GPC5: variants seen among roughly 807,000 people sequenced by gnomAD.
GPC5 encodes glypican 5.
In GPC5, 47 loss-of-function variants were observed where a neutral mutation model predicts 53.9. The ratio of observed to expected loss-of-function variants is 0.87; its 90% CI spans 0.69 to 1.11. GPC5 has a LOEUF of 1.11. Ranked by LOEUF, GPC5 falls within the 50% of genes most tolerant of loss-of-function variation. The probability of loss-of-function intolerance (pLI) is 0.00; values close to 1 mark genes in which losing one functional copy is unlikely to be tolerated. For synonymous variants in GPC5, 286 were observed against 263.3 expected (o/e 1.09, Z -0.84); for missense variants, 748 against 713.1 (o/e 1.05, Z -0.56).
At chr13:92,323,860 C>T (rs2043232536) in intron 7 of GPC5, among the ~76,000 whole-genome samples, 1 of 151,782 alleles carries the variant, frequency 6.6e-6, no homozygotes, top group African/African-American at 2.4e-5. Context: ...AAACAGGAAT[C>T]CATTAGTTAT....
chr13:92,517,692 T>A (rs1880850848), intron 7 of GPC5, among the ~76,000 whole-genome samples: 1 of 151,932 alleles, frequency 6.6e-6, no homozygotes, highest in Non-Finnish European at 1.5e-5. Context: ...GTCACCATCA[T>A]CAAAGACCAA....
At chr13:92,293,634 C>T (rs547642703) in intron 7 of GPC5, among the ~76,000 whole-genome samples, 11 of 152,080 alleles carry the variant, frequency 7.2e-5, no homozygotes, top group Admixed American at 6.5e-4. Flanking sequence ...ATCATATTGT[C>T]AGCAAACAGC....
chr13:91,881,549 CCTT>C (rs1429784279), intron 5 of GPC5, among the ~76,000 whole-genome samples: 6 of 152,158 alleles, frequency 3.9e-5, no homozygotes, highest in Admixed American at 6.5e-5. Flanking sequence ...TCAGACTTCT[CCTT>C]CTTTTTTCTG....
intron 3 of GPC5, among the ~76,000 whole-genome samples, chr13:91,712,674 C>T (rs1288511000): frequency 3.3e-5 from 5 of 152,006 alleles, no homozygotes; most frequent in Admixed American, 1.3e-4. Flanking sequence ...GGCCTGGTGT[C>T]GTCTGACTTT....
At chr13:92,201,334 T>C (rs1182875273) in intron 7 of GPC5, among the ~76,000 whole-genome samples, 1 of 152,240 alleles carries the variant, frequency 6.6e-6, no homozygotes, top group Admixed American at 6.5e-5. Flanking sequence ...ATTTGATACA[T>C]TGCTGTTGGC....
At chr13:92,065,885 G>A (rs1226370913) in intron 6 of GPC5, among the ~76,000 whole-genome samples, 3 of 151,982 alleles carry the variant, frequency 2.0e-5, no homozygotes, top group African/African-American at 7.2e-5. Context: ...GTTCCATGGT[G>A]TTTTGCATAT....
At chr13:91,569,306 A>G (rs2031676781) in intron 2 of GPC5, among the ~76,000 whole-genome samples, 1 of 152,160 alleles carries the variant, frequency 6.6e-6, no homozygotes, top group Non-Finnish European at 1.5e-5. Flanking sequence ...TTAAAATATC[A>G]TACCCAAGAT....
intron 7 of GPC5, among the ~76,000 whole-genome samples, chr13:92,642,474 T>A (rs1316430382): frequency 1.3e-5 from 2 of 152,168 alleles, no homozygotes; most frequent in African/African-American, 4.8e-5. Context: ...TCCATTGGTG[T>A]CTCAACAGGT....
At chr13:92,387,132 T>A (rs1566568923) in intron 7 of GPC5, among the ~76,000 whole-genome samples, 1 of 152,120 alleles carries the variant, frequency 6.6e-6, no homozygotes, top group Non-Finnish European at 1.5e-5. Context: ...TTTGACTTTA[T>A]GATGGTGTGA....
chr13:92,397,667 A>C (rs1329491471), intron 7 of GPC5, among the ~76,000 whole-genome samples: 1 of 152,142 alleles, frequency 6.6e-6, no homozygotes, highest in African/African-American at 2.4e-5. Context: ...TGATGAAACC[A>C]AAAAAAGTCA....
chr13:92,401,237 AATAC>A (rs2139336819), intron 7 of GPC5, among the ~76,000 whole-genome samples: 1 of 151,600 alleles, frequency 6.6e-6, no homozygotes, highest in Non-Finnish European at 1.5e-5. Flanking sequence ...TCTTCTCCAT[AATAC>A]TTAAGTTCTT....
chr13:92,695,801 A>G (rs1260266805), intron 7 of GPC5, among the ~76,000 whole-genome samples: 1 of 151,732 alleles, frequency 6.6e-6, no homozygotes, highest in Non-Finnish European at 1.5e-5. Context: ...TGTGGCACCT[A>G]TCAACCCATC....
At chr13:91,483,637 A>G (rs539228807) in intron 2 of GPC5, among the ~76,000 whole-genome samples, 49 of 152,344 alleles carry the variant, frequency 3.2e-4, no homozygotes, top group Non-Finnish European at 5.6e-4. Context: ...ATAGCTGGTT[A>G]AGCACAATTA....
intron 7 of GPC5, among the ~76,000 whole-genome samples, chr13:92,220,445 G>A (rs1318496903): frequency 1.3e-5 from 2 of 152,214 alleles, no homozygotes; most frequent in East Asian, 3.9e-4. Flanking sequence ...TGTAAGTTGG[G>A]CGTAAAATCT....
At chr13:91,642,023 G>A (rs539087287) in intron 2 of GPC5, among the ~76,000 whole-genome samples, 1 of 152,330 alleles carries the variant, frequency 6.6e-6, no homozygotes, top group South Asian at 2.1e-4. Flanking sequence ...AACTGGATTG[G>A]TGGTAAATGC....
At chr13:92,727,784 T>C (rs1306085657) in intron 7 of GPC5, among the ~76,000 whole-genome samples, 2 of 151,396 alleles carry the variant, frequency 1.3e-5, no homozygotes, top group Non-Finnish European at 3.0e-5. Context: ...GAGATGGCTT[T>C]CTTTAGACTG....
chr13:92,469,424 A>G (rs1369252053), intron 7 of GPC5, among the ~76,000 whole-genome samples: 2 of 152,164 alleles, frequency 1.3e-5, no homozygotes, highest in Non-Finnish European at 2.9e-5. Flanking sequence ...TTTATTAACT[A>G]GTTCAAACAT....
At chr13:91,747,466 T>C (rs1476539987) in intron 4 of GPC5, among the ~76,000 whole-genome samples, 1 of 152,228 alleles carries the variant, frequency 6.6e-6, no homozygotes, top group East Asian at 1.9e-4. Flanking sequence ...ACAGCCTTTT[T>C]CTACTTTACT....
intron 6 of GPC5, among the ~76,000 whole-genome samples, chr13:92,116,098 GA>G (rs1371578963): frequency 3.3e-5 from 5 of 151,660 alleles, no homozygotes; most frequent in East Asian, 3.9e-4. Flanking sequence ...AAAAAAATCA[GA>G]AAAAAAATAA....
Sources: gnomAD v4.1 joint callset for allele counts (sites outside exome capture counted in the v4.1 genomes callset) on GRCh38, gnomAD v4.1.1 for gene constraint, MANE v1.5 for transcripts, NCBI Gene and HGNC (gene_info 2026-07-23, HGNC 2026-07-21) for gene names.